Variants in CDKL5 observed in about 807,000 individuals in gnomAD.
CDKL5 encodes cyclin dependent kinase like 5, also known as cyclin-dependent kinase-like 5.
CDKL5 carries 8 observed loss-of-function variants against 61.7 expected under a neutral mutation model. The observed-to-expected ratio is 0.13, with a 90% CI of 0.08 to 0.23. The LOEUF is 0.23. Ranked by LOEUF, CDKL5 falls within the 10% of genes least tolerant of loss-of-function variation. The probability of loss-of-function intolerance (pLI) is 1.00; values close to 1 mark genes in which losing one functional copy is unlikely to be tolerated. For missense variants in CDKL5, 440 were observed against 734.5 expected (o/e 0.60, Z 4.63); for synonymous variants, 275 against 272.3 (o/e 1.01, Z -0.10).
At chrX:18,611,227 G>A (rs929429198) in intron 14 of CDKL5, among the ~76,000 whole-genome samples, 1 of 110,370 alleles carries the variant, frequency 9.1e-6, no homozygotes, top group Non-Finnish European at 1.9e-5. Flanking sequence ...TCAGGAAATC[G>A]AGACCATCCT....
At chrX:18,453,860 ACT>A (rs1932078517) in intron 1 of CDKL5, among the ~76,000 whole-genome samples, 1 of 112,253 alleles carries the variant, frequency 8.9e-6, no homozygotes, top group East Asian at 2.8e-4. Flanking sequence ...GTAAGATCTA[ACT>A]CTGCAGTGAT....
chrX:18,495,362 C>T (rs957498673), intron 1 of CDKL5, among the ~76,000 whole-genome samples: 2 of 112,464 alleles, frequency 1.8e-5, no homozygotes, highest in Non-Finnish European at 1.9e-5. Flanking sequence ...TATAAGCCTA[C>T]GTTTCTGTCA....
At chrX:18,458,368 A>G (rs1932198747) in intron 1 of CDKL5, among the ~76,000 whole-genome samples, 1 of 112,159 alleles carries the variant, frequency 8.9e-6, no homozygotes, top group Non-Finnish European at 1.9e-5. Context: ...TATGATGGAC[A>G]TGTGTAGAAT....
chrX:18,584,515 G>A (rs1453502865), intron 8 of CDKL5, among the ~76,000 whole-genome samples, 162 bp downstream of exon 8: 1 of 112,157 alleles, frequency 8.9e-6, no homozygotes, highest in Non-Finnish European at 1.9e-5. Flanking sequence ...TATGAAACAA[G>A]CACCTTTTTG....
At chrX:18,609,614 C>G (rs749185925) in intron 14 of CDKL5, 44 bp downstream of exon 14, 14 of 1,203,825 alleles carry the variant, frequency 1.2e-5, no homozygotes, top group Non-Finnish European at 1.3e-5. Context: ...TCTCCTCCCT[C>G]TCTCACTTTA....
At chrX:18,614,966 A>G (rs1217218877) in intron 15 of CDKL5, among the ~76,000 whole-genome samples, 1 of 112,777 alleles carries the variant, frequency 8.9e-6, no homozygotes, top group East Asian at 2.8e-4. Context: ...TGAGATAGAC[A>G]GTGTTAGTAA....
At chrX:18,507,452 T>TA (rs1922622595) in intron 2 of CDKL5, among the ~76,000 whole-genome samples, 1 of 108,997 alleles carries the variant, frequency 9.2e-6, no homozygotes. Context: ...CATTCTTTTT[T>TA]TTTTTTTTTT....
chrX:18,587,698 A>G, intron 8 of CDKL5: 1 of 384,955 alleles, frequency 2.6e-6, no homozygotes, highest in East Asian at 4.7e-5. Flanking sequence ...CACATTTAAG[A>G]TACATATCTA....
chrX:18,599,788 A>G (rs955223151), intron 11 of CDKL5, among the ~76,000 whole-genome samples: 3 of 111,952 alleles, frequency 2.7e-5, no homozygotes, highest in Non-Finnish European at 5.6e-5. Context: ...AGGTTTTTTA[A>G]TATAAATTTT....
intron 3 of CDKL5, among the ~76,000 whole-genome samples, chrX:18,557,794 C>T (rs1924657930): frequency 9.0e-6 from 1 of 111,595 alleles, no homozygotes; most frequent in Non-Finnish European, 1.9e-5. Context: ...AACAATGACC[C>T]AGAGCTTTAG....
rs142471598 is a variant in CDKL5 at position 18,510,919 on chromosome X, G to C, written c.99+65G>C. 1.7e-4 allele frequency: 134 copies of C among 810,353 alleles called. 1 individual carries two copies. The African/African-American group carries it at 2.4e-3, about 15-fold the overall frequency. The allele number at this position is 810,353 out of a possible 1,213,427, so 66.8% of individuals were successfully genotyped here. On this transcript the variant is annotated intron_variant, in intron 3 of 17. Coordinates refer to ENST00000623535, the MANE Select transcript of CDKL5 (RefSeq NM_001323289.2). ...TTAACTGTTTTGAAACTAATGTAGTGGTCTTTGCGTGTGGGCATGTACAGG... is the reference window on the plus strand; with the variant it reads ...TTAACTGTTTTGAAACTAATGTAGTCGTCTTTGCGTGTGGGCATGTACAGG...
At chrX:18,589,284 T>C (rs751617851) in intron 9 of CDKL5, 4 of 109,594 alleles carry the variant, frequency 3.6e-5, no homozygotes, top group East Asian at 5.7e-4. Flanking sequence ...AATGCTATTT[T>C]CCCCCCTCCC....
At chrX:18,584,204 C>A (rs1243500351) in intron 7 of CDKL5, 59 bp from the exon 8 acceptor site, 3 of 750,002 alleles carry the variant, frequency 4.0e-6, no homozygotes, top group African/African-American at 2.1e-5. Context: ...AAATATTTTG[C>A]CCACATGAAT....
intron 7 of CDKL5, among the ~76,000 whole-genome samples, chrX:18,584,011 G>A (rs1176049234): frequency 5.4e-5 from 6 of 111,611 alleles, no homozygotes; most frequent in East Asian, 5.6e-4. Context: ...GGATGACTTC[G>A]AAAACCCGGT....
intron 16 of CDKL5, among the ~76,000 whole-genome samples, chrX:18,621,496 C>T (rs1360502396): frequency 9.0e-6 from 1 of 111,415 alleles, no homozygotes; most frequent in Non-Finnish European, 1.9e-5. Flanking sequence ...GTATATTTTC[C>T]TCCAGCTGTT....
intron 9 of CDKL5, among the ~76,000 whole-genome samples, chrX:18,594,370 C>G (rs1925922874): frequency 8.9e-6 from 1 of 111,774 alleles, no homozygotes; most frequent in African/African-American, 3.3e-5. Flanking sequence ...GACCCCTTCC[C>G]CTCATTTTAT....
At chrX:18,437,948 T>C (rs1173336039) in intron 1 of CDKL5, among the ~76,000 whole-genome samples, 1 of 112,498 alleles carries the variant, frequency 8.9e-6, no homozygotes, top group African/African-American at 3.2e-5. Flanking sequence ...TTTTGCCCAC[T>C]GTTCCTCTCC....
Position 18,631,303 on chromosome X carries a change from T to C in CDKL5, c.*2546T>C, listed in dbSNP as rs1417148557. 1.3e-6 allele frequency: 1 copy of C among 752,452 alleles called. No individual in the cohort carries two copies. Among genetic ancestry groups the C allele is most frequent in the African/African-American group, 2.3e-5 (1 of 43,344 alleles). 62.0% of individuals were successfully genotyped at this position (752,452 alleles called of 1,213,427 possible). ...GATATCTACAAATGTTTTCAACCAG[T>C]GTTTTCGAGGTAGCTCTTTAATCCT... On this transcript the variant is annotated 3_prime_UTR_variant, in exon 18 of 18. Transcript: ENST00000623535.
At chrX:18,602,621 A>AT (rs1264192566) in intron 11 of CDKL5, among the ~76,000 whole-genome samples, 4 of 110,054 alleles carry the variant, frequency 3.6e-5, no homozygotes, top group East Asian at 2.8e-4. Flanking sequence ...TCGATATCAG[A>AT]TTTTTTTTTC....
Sources: allele counts gnomAD v4.1 joint callset (sites outside exome capture counted in the v4.1 genomes callset), GRCh38; gene constraint gnomAD v4.1.1; transcripts MANE v1.5; gene names NCBI Gene and HGNC (gene_info 2026-07-23, HGNC 2026-07-21).